GALNT8: variants seen among roughly 807,000 people sequenced by gnomAD.
GALNT8 encodes polypeptide N-acetylgalactosaminyltransferase 8.
A neutral mutation model predicts 62.7 loss-of-function variants in GALNT8; 66 were observed. The ratio of observed to expected loss-of-function variants is 1.05; its 90% confidence interval spans 0.86 to 1.29. GALNT8 has a LOEUF of 1.29. GALNT8 is among the 50% of genes most tolerant of loss of function. The pLI is 0.00. For missense variants in GALNT8, 771 were observed against 791.8 expected (o/e 0.97, Z 0.32); for synonymous variants, 288 against 294.3 (o/e 0.98, Z 0.22).
At chr12:4,738,805 G>A (rs1410877924) in intron 2 of GALNT8, among the ~76,000 whole-genome samples, 5 of 152,108 alleles carry the variant, frequency 3.3e-5, no homozygotes, top group African/African-American at 1.2e-4. Context: ...AAGGTGACTG[G>A]GGTCTGAGAA....
intron 3 of GALNT8, among the ~76,000 whole-genome samples, chr12:4,739,645 C>CT (rs896534414): frequency 1.1e-3 from 158 of 141,376 alleles, no homozygotes; most frequent in East Asian, 9.0e-3. Flanking sequence ...ACCTGTACCT[C>CT]TTTTTTTTTT....
At chr12:4,735,589 T>C (rs943877483) in intron 2 of GALNT8, among the ~76,000 whole-genome samples, 1 of 152,234 alleles carries the variant, frequency 6.6e-6, no homozygotes, top group East Asian at 1.9e-4. Context: ...TCCCTTCTTC[T>C]ACTTTGCCTC....
rs1284113670 is a variant in GALNT8 at position 4,763,374 on chromosome 12, T to C, written c.1481T>C (p.Ile494Thr). The stretch of plus-strand genomic sequence containing the variant: ...CCACTCTTGAAGCCACTCCACACCA[T>C]CGTGGGCTATGGAAGAGTATGTATT... ...VYPLLKPLHT[I>T]VGYGRMKNLL... The change falls in exon 8 of 11, where the codon ATC (isoleucine) becomes ACC (threonine). Residue 494 changes from isoleucine to threonine, a missense_variant. Ile to Thr is a moderately conservative substitution (Grantham distance 89). Transcript: ENST00000252318. The C allele has an allele frequency of 1.2e-6, 2 of 1,612,668 alleles. No individual in the cohort carries two copies. The highest frequency in any genetic ancestry group is 1.7e-6 in the Non-Finnish European group (2 of 1,178,858).
chr12:4,723,162 A>G (rs1480281696), intron 1 of GALNT8, among the ~76,000 whole-genome samples: 1 of 152,176 alleles, frequency 6.6e-6, no homozygotes, highest in Non-Finnish European at 1.5e-5. Context: ...TTCACTACTC[A>G]TTTCTATTCA....
At chr12:4,760,160 C>T (rs1032942563) in intron 6 of GALNT8, among the ~76,000 whole-genome samples, 1 of 152,188 alleles carries the variant, frequency 6.6e-6, no homozygotes, top group East Asian at 1.9e-4. Context: ...AGGTGTCAGC[C>T]AGAGTTGGGT....
intron 5 of GALNT8, 35 bp from the exon 6 acceptor site, chr12:4,746,109 G>GGA: frequency 8.1e-7 from 1 of 1,239,072 alleles, no homozygotes; most frequent in Non-Finnish European, 1.2e-6. Context: ...CGCTCCTTAT[G>GGA]GAGAGATTAG....
At chr12:4,746,096 C>A in intron 5 of GALNT8, 48 bp from the exon 6 acceptor site, 1 of 1,100,694 alleles carries the variant, frequency 9.1e-7, no homozygotes, top group Non-Finnish European at 1.4e-6. Context: ...CACCCCTCGC[C>A]TCCGCTCCTT....
rs770967813 is a variant in GALNT8 at position 4,761,049 on chromosome 12, C to T, written c.1265C>T (p.Thr422Ile). Reference sequence around the variant, plus strand: ...CACAAGCCCTACGCCTTGGATCTCACCGCTGCCTTGAAGCGCAATGCTCTG... The same window carrying T: ...CACAAGCCCTACGCCTTGGATCTCATCGCTGCCTTGAAGCGCAATGCTCTG... ...RHHKPYALDLTAALKRNALRV... is the reference protein window; with the variant it reads ...RHHKPYALDLIAALKRNALRV... Residue 422 changes from threonine to isoleucine, a missense_variant, in exon 7 of 11, where the codon ACC becomes ATC. Physicochemically the swap from Thr to Ile is moderately conservative, Grantham distance 89 (BLOSUM62 -1). Transcript: ENST00000252318. 2 of 1,613,908 alleles carry T rather than the reference C, an allele frequency of 1.2e-6. No homozygotes were observed. Among genetic ancestry groups the T allele is most frequent in the East Asian group, 4.5e-5 (2 of 44,876 alleles).
intron 2 of GALNT8, among the ~76,000 whole-genome samples, chr12:4,737,384 A>G (rs368103224): frequency 3.2e-4 from 49 of 152,338 alleles, no homozygotes; most frequent in East Asian, 9.6e-4. Context: ...AGACCCAGTC[A>G]GAGAGCTTCT....
In GALNT8 at chr12:4,761,162, C is replaced by T; in HGVS notation, c.1359+19C>T. 2 of 1,601,684 alleles carry T rather than the reference C, an allele frequency of 1.2e-6. No individual in the cohort carries two copies. Among genetic ancestry groups the T allele is most frequent in the Non-Finnish European group, 1.7e-6 (2 of 1,169,608 alleles). On this transcript the variant is annotated intron_variant, in intron 7 of 10. Coordinates refer to ENST00000252318, the MANE Select transcript of GALNT8 (RefSeq NM_017417.2). The stretch of plus-strand genomic sequence containing the variant: ...TCTCCAGGTGAGTCATGGAATTGAA[C>T]AGCAGCACGGAAGAATGAAAGAGGA...
chr12:4,760,945 T>C lies in GALNT8; in HGVS notation c.1174-13T>C. 3 of 1,611,742 alleles carry C rather than the reference T, an allele frequency of 1.9e-6. No individual in the cohort carries two copies. Among genetic ancestry groups the C allele is most frequent in the Non-Finnish European group, 2.5e-6 (3 of 1,178,720 alleles). Reference sequence around the variant, plus strand: ...CTGTGAAGCACGGGTGATTTTTTGGTCTTCTTCTGCAGGTGTGGCAGTGTG... The same window carrying C: ...CTGTGAAGCACGGGTGATTTTTTGGCCTTCTTCTGCAGGTGTGGCAGTGTG... On this transcript the variant is annotated splice_polypyrimidine_tract_variant and intron_variant, in intron 6 of 10. Coordinates refer to ENST00000252318, the MANE Select transcript of GALNT8 (RefSeq NM_017417.2).
chr12:4,756,300 A>G (rs1053808054), intron 6 of GALNT8, among the ~76,000 whole-genome samples: 1 of 152,220 alleles, frequency 6.6e-6, no homozygotes, highest in Non-Finnish European at 1.5e-5. Flanking sequence ...AAAGTAGTCG[A>G]AATTACACAG....
chr12:4,745,675 G>A (rs1248807721), intron 5 of GALNT8, 49 bp downstream of exon 5: 1 of 1,323,756 alleles, frequency 7.6e-7, no homozygotes, highest in Admixed American at 1.7e-5. Context: ...GGGAAGGCAG[G>A]AATGAACTGA....
rs1338641404 is a variant in GALNT8 at position 4,733,450 on chromosome 12, T to C, written c.510-5713T>C. Among the ~76,000 whole-genome samples the C allele has an allele frequency of 2.0e-5, 3 of 152,280 alleles. No homozygotes were observed. The East Asian group carries it at 5.8e-4, about 29-fold the overall frequency. On this transcript the variant is annotated intron_variant, in intron 2 of 10. Coordinates refer to ENST00000252318, the MANE Select transcript of GALNT8 (RefSeq NM_017417.2). ...AAGTGTCGTGAAAGCATTTCAAATATAGCCAAGAATATGCAAAAGATGCAC... is the reference window on the plus strand; with the variant it reads ...AAGTGTCGTGAAAGCATTTCAAATACAGCCAAGAATATGCAAAAGATGCAC...
In GALNT8 at chr12:4,726,780, A is replaced by G; in HGVS notation, c.460A>G (p.Ser154Gly). Residue 154 changes from serine to glycine, a missense_variant, in exon 2 of 11, where the codon AGC (serine) becomes GGC (glycine). Ser to Gly is a moderately conservative substitution (Grantham distance 56, BLOSUM62 0). Transcript: ENST00000252318. The surrounding 1 kb of genome is among the most constrained non-coding windows in gnomAD (Gnocchi z 4.1). Reference protein sequence around the residue: ...FRKFGYNAYLSNQLPLNRTIP... With the variant: ...FRKFGYNAYLGNQLPLNRTIP... ...GAAGTTTGGTTACAACGCGTACCTC[A>G]GCAACCAGCTGCCTCTCAATCGCAC... The G allele has an allele frequency of 6.2e-7, 1 of 1,614,002 alleles. No individual in the cohort carries two copies. Among genetic ancestry groups the G allele is most frequent in the Non-Finnish European group, 8.5e-7 (1 of 1,179,996 alleles).
chr12:4,761,275 A>C, intron 7 of GALNT8, 132 bp downstream of exon 7: 2 of 669,708 alleles, frequency 3.0e-6, no homozygotes, highest in South Asian at 3.8e-5. Flanking sequence ...ATGGTGTGAT[A>C]ATAATGGCTC....
In GALNT8 at chr12:4,761,418, A is replaced by G. The variant is rs1946372272; in HGVS notation, c.1359+275A>G. The stretch of plus-strand genomic sequence containing the variant: ...ATTTTACAGATGAGGAAGCTGAGGC[A>G]CAGAGAGTTGGAAGAAACTTGTTTA... On this transcript the variant is annotated intron_variant, in intron 7 of 10. Transcript: ENST00000252318. Among the ~76,000 whole-genome samples, 4 of 152,186 alleles carry G rather than the reference A, an allele frequency of 2.6e-5. No individual in the cohort carries two copies. In the South Asian group the frequency reaches 8.3e-4, roughly 32 times the overall value.
At chr12:4,742,919 A>G (rs1407892662) in intron 3 of GALNT8, among the ~76,000 whole-genome samples, 1 of 152,174 alleles carries the variant, frequency 6.6e-6, no homozygotes, top group African/African-American at 2.4e-5. Flanking sequence ...GTGCTATATG[A>G]TAGGCATTAT....
intron 2 of GALNT8, among the ~76,000 whole-genome samples, chr12:4,731,981 G>T (rs1267971341): frequency 6.6e-6 from 1 of 152,122 alleles, no homozygotes; most frequent in African/African-American, 2.4e-5. Flanking sequence ...TAAAAGTAAT[G>T]AATGAAATCA....
Sources: allele counts gnomAD v4.1 joint callset (sites outside exome capture counted in the v4.1 genomes callset), GRCh38; gene constraint gnomAD v4.1.1; non-coding constraint Gnocchi (gnomAD v3.1); transcripts MANE v1.5; gene names NCBI Gene and HGNC (gene_info 2026-07-23, HGNC 2026-07-21).